PCDHGB1: variants seen among roughly 807,000 people sequenced by gnomAD.
The protein encoded by PCDHGB1 is protocadherin gamma-B1.
PCDHGB1 carries 34 observed loss-of-function variants against 56.6 expected under a neutral mutation model. The ratio of observed to expected loss-of-function variants is 0.60; its 90% confidence interval spans 0.46 to 0.80. The LOEUF is 0.80. Among genes scored for constraint, PCDHGB1 ranks in the 30% least tolerant of loss-of-function variants. PCDHGB1 has a pLI of 0.00. For missense variants in PCDHGB1, 1,278 were observed against 1,204.6 expected, an observed-to-expected ratio of 1.06 and a Z score of -0.90; for synonymous variants, 561 against 505.9, an observed-to-expected ratio of 1.11 and a Z score of -1.46.
At chr5:141,417,179 A>C (rs1015183950) in intron 1 of PCDHGB1, 1 of 152,194 alleles carries the variant, frequency 6.6e-6, no homozygotes, top group African/African-American at 2.4e-5. Context: ...GAAATAAGGA[A>C]TTATTACTTT....
At chr5:141,488,564 G>T (rs1047904416) in intron 1 of PCDHGB1, among the ~76,000 whole-genome samples, 1 of 152,154 alleles carries the variant, frequency 6.6e-6, no homozygotes, top group African/African-American at 2.4e-5. Context: ...TGAGATTTCC[G>T]CAAAGCATTG....
chr5:141,471,730 G>A (rs535784858), intron 1 of PCDHGB1, among the ~76,000 whole-genome samples: 1 of 152,292 alleles, frequency 6.6e-6, no homozygotes, highest in East Asian at 1.9e-4. Context: ...GGTAAGGAAG[G>A]TTGGAGACAT....
chr5:141,384,402 GTCC>G lies in PCDHGB1; in HGVS notation c.2409+31738_2409+31740del, dbSNP rs781624552. ...AAGACACCATCCAGGGGGCTCCAGTGTCCTCCTATGTCTCCATAAACTCTGACA... is the reference window on the plus strand; with the variant it reads ...AAGACACCATCCAGGGGGCTCCAGTGTCCTATGTCTCCATAAACTCTGACA... On this transcript the variant is annotated intron_variant, in intron 1 of 3. Coordinates refer to ENST00000523390, the MANE Select transcript of PCDHGB1 (RefSeq NM_018922.3). The G allele has an allele frequency of 1.8e-5, 29 of 1,613,830 alleles. No homozygotes were observed. The African/African-American group carries it at 2.4e-4, about 13-fold the overall frequency.
Position 141,432,038 on chromosome 5 carries a change from C to G in PCDHGB1, c.2410-62769C>G, listed in dbSNP as rs202246871. ...CAACATCACAGTGACCGCCACTGAC[C>G]GGGGAACCCCGCCCCTATCCACGGA... On this transcript the variant is annotated intron_variant, in intron 1 of 3. Transcript: ENST00000523390. This position sits in a 1 kb window ranked among gnomAD's most constrained non-coding sequence, Gnocchi z 6.0. 2 of 1,614,190 alleles carry G rather than the reference C, an allele frequency of 1.2e-6. No homozygotes were observed. The highest frequency in any genetic ancestry group is 8.5e-7 in the Non-Finnish European group (1 of 1,180,032).
chr5:141,365,394 C>T (rs1245270195), intron 1 of PCDHGB1: 22 of 1,613,942 alleles, frequency 1.4e-5, no homozygotes, highest in Non-Finnish European at 1.9e-5. Flanking sequence ...CTGACCAGTT[C>T]GATCTCTGAA....
In PCDHGB1 at chr5:141,394,617, G is replaced by A. The variant is rs369651266; in HGVS notation, c.2409+41948G>A. The A allele has an allele frequency of 1.7e-5, 28 of 1,613,372 alleles. No individual in the cohort carries two copies. The Admixed American group carries it at 2.8e-4, about 16-fold the overall frequency. On this transcript the variant is annotated intron_variant, in intron 1 of 3. Coordinates refer to ENST00000523390, the MANE Select transcript of PCDHGB1 (RefSeq NM_018922.3). ...GGTGGACAGAGACTCGGGCCAGAAC[G>A]CCTGGCTGTCCTACCGCCTGCTCAA... is the stretch of plus-strand genomic sequence containing the variant.
rs746872217 is a variant in PCDHGB1, at chr5:141,351,673, C to G, written c.1413C>G (p.Ser471Arg). The change falls in exon 1 of 4, where the codon AGC becomes AGG. Residue 471 changes from serine (S) to arginine (R), a missense_variant. By Grantham distance (110) the Ser-to-Arg change is moderately radical. Coordinates refer to ENST00000523390, the MANE Select transcript of PCDHGB1 (RefSeq NM_018922.3). The stretch of plus-strand genomic sequence containing the variant: ...CTGGCGCCTCCATTGCACAAGTAAG[C>G]GCCTCCGACCCGGATTTGGGACCCA... ...NPPGASIAQVSASDPDLGPNG... is the reference protein window; with the variant it reads ...NPPGASIAQVRASDPDLGPNG... The G allele has an allele frequency of 1.9e-6, 3 of 1,614,004 alleles. No individual in the cohort carries two copies. The highest frequency in any genetic ancestry group is 2.2e-5 in the East Asian group (1 of 44,886).
chr5:141,404,132 T>C, intron 1 of PCDHGB1: 1 of 1,613,136 alleles, frequency 6.2e-7, no homozygotes, highest in Non-Finnish European at 8.5e-7. Context: ...ATCTTTTACA[T>C]TAGAAAATTC....
intron 1 of PCDHGB1, chr5:141,430,857 A>C (rs748992376): frequency 1.9e-6 from 3 of 1,591,316 alleles, no homozygotes; most frequent in Non-Finnish European, 2.6e-6. Flanking sequence ...CAGATACGCT[A>C]TTCAGTTCCG....
chr5:141,422,070 A>G (rs1202364320), intron 1 of PCDHGB1: 3 of 1,612,480 alleles, frequency 1.9e-6, no homozygotes, highest in Non-Finnish European at 2.5e-6. Context: ...TAATGTATTC[A>G]TTTCGGAACA....
At position 141,486,257 on chromosome 5, in the gene PCDHGB1, A is replaced by C; in HGVS notation, c.2410-8550A>C. 6.2e-7 allele frequency: 1 copy of C among 1,614,032 alleles called. No individual in the cohort carries two copies. The highest frequency in any genetic ancestry group is 8.5e-7 in the Non-Finnish European group (1 of 1,179,982). On this transcript the variant is annotated intron_variant, in intron 1 of 3. Transcript: ENST00000523390. The surrounding 1 kb of genome is among the most constrained non-coding windows in gnomAD (Gnocchi z 5.0). ...CTCAGAGCTTGGAACCCTCCCCGAG[A>C]GTGCAGAACCTGGCACTGTGGTGGC... is the stretch of plus-strand genomic sequence containing the variant.
rs773471969 is a variant in PCDHGB1, at chr5:141,422,101, A to G, written c.2409+69432A>G. 11 of 1,610,046 alleles carry G rather than the reference A, an allele frequency of 6.8e-6. No individual in the cohort carries two copies. The highest frequency in any genetic ancestry group is 4.5e-5 in the East Asian group (2 of 44,870). ...GAACATGGAAAGCAAGGCTTCTGAA[A>G]TATTCCAATTGGATTCACAAACTGG... On this transcript the variant is annotated intron_variant, in intron 1 of 3. Coordinates refer to ENST00000523390, the MANE Select transcript of PCDHGB1 (RefSeq NM_018922.3).
At chr5:141,410,858 T>A in intron 1 of PCDHGB1, 1 of 436,188 alleles carries the variant, frequency 2.3e-6, no homozygotes, top group Non-Finnish European at 3.8e-6. Context: ...TCTTTTTTTT[T>A]TTTTTTTTTT....
intron 1 of PCDHGB1, among the ~76,000 whole-genome samples, chr5:141,354,011 GT>G (rs1408214396): frequency 1.1e-4 from 17 of 152,190 alleles, no homozygotes; most frequent in African/African-American, 4.1e-4. Flanking sequence ...GTAAATTACT[GT>G]AAGTATTCAT....
intron 1 of PCDHGB1, among the ~76,000 whole-genome samples, chr5:141,445,924 A>G (rs1451439271): frequency 6.6e-6 from 1 of 152,184 alleles, no homozygotes; most frequent in Non-Finnish European, 1.5e-5. Flanking sequence ...GTGACAAGAT[A>G]TTTGAATTAT....
intron 1 of PCDHGB1, chr5:141,415,762 T>TTTTG: frequency 2.1e-6 from 3 of 1,399,986 alleles, no homozygotes; most frequent in Non-Finnish European, 2.8e-6. Flanking sequence ...TTTTTTTTTT[T>TTTTG]TTTTTTTTTT....
In PCDHGB1 at chr5:141,388,635, C is replaced by A. The variant is rs1441074974; in HGVS notation, c.2409+35966C>A. The A allele has an allele frequency of 4.3e-6, 7 of 1,613,896 alleles. No homozygotes were observed. The highest frequency in any genetic ancestry group is 5.9e-6 in the Non-Finnish European group (7 of 1,179,864). On this transcript the variant is annotated intron_variant, in intron 1 of 3. Transcript: ENST00000523390. ...CAGTCAAGACGTATACAGGGTGAGC[C>A]TTTCAGAAAACGTGTACCCGGGGAC...
At chr5:141,394,310 GC>G in intron 1 of PCDHGB1, 6 of 1,613,936 alleles carry the variant, frequency 3.7e-6, no homozygotes, top group Non-Finnish European at 5.1e-6. Context: ...TGCAGGGGGC[GC>G]CCCTGTCCTC....
intron 1 of PCDHGB1, chr5:141,410,789 A>C: frequency 1.3e-6 from 1 of 794,444 alleles, no homozygotes; most frequent in Non-Finnish European, 1.8e-6. Context: ...TATTTGGTTC[A>C]TAAGTTGCTC....
Sources: allele counts gnomAD v4.1 joint callset (sites outside exome capture counted in the v4.1 genomes callset), GRCh38; gene constraint gnomAD v4.1.1; non-coding constraint Gnocchi (gnomAD v3.1); transcripts MANE v1.5; gene names NCBI Gene and HGNC (gene_info 2026-07-23, HGNC 2026-07-21).